The following ARFGEF3 variants were observed in gnomAD, a reference collection of about 807,000 sequenced individuals.
The protein encoded by ARFGEF3 is brefeldin A-inhibited guanine nucleotide-exchange protein 3.
A neutral mutation model predicts 221.7 loss-of-function variants in ARFGEF3; 96 were observed. The observed-to-expected ratio is 0.43, with a 90% CI of 0.37 to 0.51. ARFGEF3 has a LOEUF of 0.51. Ranked by LOEUF, ARFGEF3 falls within the 20% of genes least tolerant of loss-of-function variation. The pLI, the probability that ARFGEF3 is intolerant of heterozygous loss-of-function variation, is 0.00. For missense variants in ARFGEF3, 2,410 were observed against 2,789.9 expected (o/e 0.86, Z 3.07); for synonymous variants, 1,145 against 1,126.8 (o/e 1.02, Z -0.32).
chr6:138,254,561 C>G (rs1778640319), intron 9 of ARFGEF3, among the ~76,000 whole-genome samples: 1 of 152,040 alleles, frequency 6.6e-6, no homozygotes, highest in African/African-American at 2.4e-5. Context: ...GAAACCCTGT[C>G]TCTGCTAAAA....
chr6:138,207,442 T>A (rs1777644817), intron 3 of ARFGEF3, among the ~76,000 whole-genome samples: 1 of 152,188 alleles, frequency 6.6e-6, no homozygotes, highest in Non-Finnish European at 1.5e-5. Context: ...GACGACAAGT[T>A]CATACCAATT....
chr6:138,304,029 A>G (rs1045043775), intron 22 of ARFGEF3, among the ~76,000 whole-genome samples: 1 of 152,174 alleles, frequency 6.6e-6, no homozygotes, highest in Admixed American at 6.5e-5. Flanking sequence ...GAAAACATCT[A>G]TACAAATCCT....
At chr6:138,170,268 C>G (rs1056152495) in intron 1 of ARFGEF3, among the ~76,000 whole-genome samples, 14 of 152,180 alleles carry the variant, frequency 9.2e-5, no homozygotes, top group African/African-American at 2.4e-4. Flanking sequence ...ACTTGAAAGT[C>G]TTTCACAAGT....
chr6:138,212,929 T>G (rs529955053), intron 4 of ARFGEF3, among the ~76,000 whole-genome samples: 2 of 152,116 alleles, frequency 1.3e-5, no homozygotes, highest in African/African-American at 4.8e-5. Flanking sequence ...AGTTGATGGG[T>G]GCAGCAAACC....
intron 8 of ARFGEF3, among the ~76,000 whole-genome samples, chr6:138,249,389 G>C (rs943967277): frequency 6.6e-6 from 1 of 152,186 alleles, no homozygotes; most frequent in African/African-American, 2.4e-5. Flanking sequence ...GAGTGCAGAG[G>C]CGTGATCTGG....
chr6:138,294,554 G>A (rs998034852), intron 20 of ARFGEF3, among the ~76,000 whole-genome samples: 2 of 152,210 alleles, frequency 1.3e-5, no homozygotes, highest in Non-Finnish European at 2.9e-5. Flanking sequence ...TCCAAAAGGG[G>A]TGGTGAAAGA....
intron 22 of ARFGEF3, among the ~76,000 whole-genome samples, chr6:138,302,415 G>A (rs1022156967): frequency 2.0e-5 from 3 of 152,246 alleles, no homozygotes; most frequent in Non-Finnish European, 2.9e-5. Context: ...ACAAAACTAA[G>A]TTTGACCAAA....
chr6:138,336,454 A>T lies in ARFGEF3; in HGVS notation c.6502A>T (p.Arg2168Trp). The change falls in exon 34 of 34, where the codon AGG becomes TGG. Residue 2168 changes from arginine to tryptophan, a missense_variant. By Grantham distance (101) the Arg-to-Trp change is moderately radical. Transcript: ENST00000251691. The stretch of plus-strand genomic sequence containing the variant: ...CCAGGCTGTGAGGGAGTGGCTGGGC[A>T]GGGTGGGCCGTGTCTATGACATCAT... ...VRQAVREWLG[R>W]VGRVYDIIV The T allele has an allele frequency of 6.2e-7, 1 of 1,611,948 alleles. No homozygotes were observed. The highest frequency in any genetic ancestry group is 8.5e-7 in the Non-Finnish European group (1 of 1,179,092).
At position 138,311,172 on chromosome 6, in the gene ARFGEF3, A is replaced by C. The variant is rs181215209; in HGVS notation, c.4097-235A>C. 1.4e-3 allele frequency among the ~76,000 whole-genome samples: 213 copies of C among 152,372 alleles called. 3 individuals carry two copies. Among genetic ancestry groups the C allele is most frequent in the African/African-American group, 4.9e-3 (205 of 41,598 alleles). On this transcript the variant is annotated intron_variant, in intron 24 of 33. Transcript: ENST00000251691. ...AGTTACCAACCATATAATCTCAACA[A>C]AATGATAGGAAAGGTATGGTCCCAA...
At chr6:138,173,626 A>G (rs992804335) in intron 2 of ARFGEF3, among the ~76,000 whole-genome samples, 1 of 152,108 alleles carries the variant, frequency 6.6e-6, no homozygotes, top group African/African-American at 2.4e-5. Context: ...GTTCATGTGT[A>G]TGTGTGTGGC....
At chr6:138,220,276 T>C (rs1230449885) in intron 4 of ARFGEF3, among the ~76,000 whole-genome samples, 1 of 152,240 alleles carries the variant, frequency 6.6e-6, no homozygotes, top group Non-Finnish European at 1.5e-5. Context: ...GTGCTAGGAT[T>C]ATAGGTGTGA....
In ARFGEF3 at chr6:138,262,695, G is replaced by C. The variant is rs1279246799; in HGVS notation, c.1218-6G>C. ...TATTCCATTTTCTCTTTTGAACACTGTTTAGCATCATGGATGGCATGACCG... is the reference window on the plus strand; with the variant it reads ...TATTCCATTTTCTCTTTTGAACACTCTTTAGCATCATGGATGGCATGACCG... On this transcript the variant is annotated splice_region_variant and splice_polypyrimidine_tract_variant and intron_variant, in intron 11 of 33. Transcript: ENST00000251691. The C allele has an allele frequency of 6.3e-7, 1 of 1,596,082 alleles. No individual in the cohort carries two copies. The highest frequency in any genetic ancestry group is 1.3e-5 in the African/African-American group (1 of 74,602).
At chr6:138,325,296 A>G (rs1780107701) in intron 31 of ARFGEF3, among the ~76,000 whole-genome samples, 1 of 152,200 alleles carries the variant, frequency 6.6e-6, no homozygotes, top group South Asian at 2.1e-4. Flanking sequence ...CTGATTACCC[A>G]TGTAAAGAAC....
chr6:138,264,729 T>G (rs563749854), intron 12 of ARFGEF3, among the ~76,000 whole-genome samples: 1 of 152,262 alleles, frequency 6.6e-6, no homozygotes, highest in East Asian at 1.9e-4. Context: ...CTAACAAAAC[T>G]TCACACACAT....
chr6:138,321,117 G>T lies in ARFGEF3; in HGVS notation c.4658G>T (p.Arg1553Met). ...HIQSFLHSDI[R>M]YESMINTMLK... is the part of the protein sequence containing the mutation. ...ATTTTGCTGTTTCCCATAGATATCA[G>T]GTACGAGAGCATGATCAATACCATG... Residue 1553 changes from arginine to methionine, a missense_variant, in exon 29 of 34, where the codon AGG becomes ATG. Coordinates refer to ENST00000251691, the MANE Select transcript of ARFGEF3 (RefSeq NM_020340.5). The T allele has an allele frequency of 6.4e-7, 1 of 1,551,426 alleles. No individual in the cohort carries two copies.
intron 5 of ARFGEF3, among the ~76,000 whole-genome samples, chr6:138,237,037 C>G (rs1167656405): frequency 6.7e-6 from 1 of 148,504 alleles, no homozygotes; most frequent in Admixed American, 6.7e-5. Flanking sequence ...GTTTCAAATG[C>G]TCCTTTGAAA....
intron 1 of ARFGEF3, among the ~76,000 whole-genome samples, chr6:138,165,652 C>T (rs1330607611): frequency 2.0e-5 from 3 of 151,872 alleles, no homozygotes; most frequent in Non-Finnish European, 4.4e-5. Context: ...CTCTGAGACC[C>T]TCATGGGAGA....
chr6:138,239,888 C>T (rs1004259439), intron 6 of ARFGEF3, among the ~76,000 whole-genome samples: 1 of 151,990 alleles, frequency 6.6e-6, no homozygotes, highest in East Asian at 1.9e-4. Flanking sequence ...AAGATGAAAT[C>T]GAAATCTAAA....
At chr6:138,285,425 G>A (rs967443928) in intron 14 of ARFGEF3, among the ~76,000 whole-genome samples, 7 of 149,706 alleles carry the variant, frequency 4.7e-5, no homozygotes, top group African/African-American at 1.7e-4. Flanking sequence ...CTGCACTCCA[G>A]CCTGGGCGAC....
Sources: gnomAD v4.1 joint callset for allele counts (sites outside exome capture counted in the v4.1 genomes callset) on GRCh38, gnomAD v4.1.1 for gene constraint, MANE v1.5 for transcripts, NCBI Gene and HGNC (gene_info 2026-07-23, HGNC 2026-07-21) for gene names.